Variants in FANCA observed in about 807,000 individuals in gnomAD.
FANCA encodes the protein FA complementation group A.
A neutral mutation model predicts 194.3 loss-of-function variants in FANCA; 236 were observed. The ratio of observed to expected loss-of-function variants is 1.21; its 90% CI spans 1.09 to 1.35. The LOEUF is 1.35. FANCA is among the 40% of genes most tolerant of loss of function. The probability of loss-of-function intolerance (pLI) is 0.00; values close to 1 mark genes in which losing one functional copy is unlikely to be tolerated. For synonymous variants in FANCA, 1,014 were observed against 715.8 expected, an observed-to-expected ratio of 1.42 and a Z score of -6.65; for missense variants, 2,628 against 1,813.9, an observed-to-expected ratio of 1.45 and a Z score of -8.15.
Position 89,765,047 on chromosome 16 carries a change from C to A in FANCA, c.2621G>T (p.Arg874Ile). The A allele has an allele frequency of 6.2e-7, 1 of 1,614,226 alleles. No homozygotes were observed. The highest frequency in any genetic ancestry group is 1.1e-5 in the South Asian group (1 of 91,076). ...AGGCTGTCGGGCCTCTGAGAACAATCTGAACATGAGGAACTGAAACTGAAA... is the reference window on the plus strand; with the variant it reads ...AGGCTGTCGGGCCTCTGAGAACAATATGAACATGAGGAACTGAAACTGAAA... ...LIKKFQFLMFRLFSEARQPLS... is the reference protein window; with the variant it reads ...LIKKFQFLMFILFSEARQPLS... The change falls in exon 28 of 43, where the codon AGA (arginine) becomes ATA (isoleucine). Residue 874 changes from arginine to isoleucine, a missense_variant. By Grantham distance (97) the Arg-to-Ile change is moderately conservative (BLOSUM62 -3). Transcript: ENST00000389301.
chr16:89,771,873 C>A lies in FANCA; in HGVS notation c.2015-59G>T, dbSNP rs533560248. 2.2e-5 allele frequency: 36 copies of A among 1,601,974 alleles called. No individual in the cohort carries two copies. In the Admixed American group the frequency reaches 2.5e-4, roughly 11 times the overall value. On this transcript the variant is annotated intron_variant, in intron 22 of 42. Coordinates refer to ENST00000389301, the MANE Select transcript of FANCA (RefSeq NM_000135.4). ...AACCCCGAAAGGAGGGATACAGCTG[C>A]GGCCTAGAGAGCTCCGCCTCCCGTC... is the stretch of plus-strand genomic sequence containing the variant.
intron 6 of FANCA, 110 bp downstream of exon 6, chr16:89,808,184 T>C (rs949747080): frequency 1.3e-5 from 13 of 1,005,906 alleles, no homozygotes; most frequent in South Asian, 2.5e-5. Flanking sequence ...CTAGTACAAA[T>C]TATATGTCAA....
In FANCA at chr16:89,749,745, AGCTC is replaced by A; in HGVS notation, c.3220_3223del (p.Glu1074CysfsTer2). ...TAGGTGTTACCGTTTGTACATTAGCAGCTCCCTCTGTCTCTGAAGGCTGGCAGCC... is the reference window on the plus strand; with the variant it reads ...TAGGTGTTACCGTTTGTACATTAGCACCTCTGTCTCTGAAGGCTGGCAGCC... On this transcript the variant is annotated frameshift_variant, in exon 32 of 43. Coordinates refer to ENST00000389301, the MANE Select transcript of FANCA (RefSeq NM_000135.4). LOFTEE classifies it high-confidence loss of function. 1 of 1,614,060 alleles carries A rather than the reference AGCTC, an allele frequency of 6.2e-7. No individual in the cohort carries two copies. Among genetic ancestry groups the A allele is most frequent in the Non-Finnish European group, 8.5e-7 (1 of 1,179,944 alleles).
At chr16:89,775,172 T>C (rs1397290678) in intron 21 of FANCA, among the ~76,000 whole-genome samples, 1 of 151,630 alleles carries the variant, frequency 6.6e-6, no homozygotes, top group East Asian at 1.9e-4. Context: ...GATGCTGGCT[T>C]CTACTGGAGA....
chr16:89,741,184 GCCT>G (rs1019136730), intron 37 of FANCA, among the ~76,000 whole-genome samples: 2 of 152,152 alleles, frequency 1.3e-5, no homozygotes, highest in African/African-American at 4.8e-5. Flanking sequence ...TCCCTGCAAG[GCCT>G]CCTGTCAGAA....
chr16:89,784,398 CAAAA>C (rs140174501), intron 15 of FANCA, among the ~76,000 whole-genome samples: 5 of 81,834 alleles, frequency 6.1e-5, no homozygotes, highest in Admixed American at 1.2e-4. Flanking sequence ...AACAAAAAAA[CAAAA>C]AAAAAACCCA....
chr16:89,808,271 C>G (rs34095935), intron 6 of FANCA, 23 bp downstream of exon 6: 2 of 1,611,030 alleles, frequency 1.2e-6, no homozygotes, highest in African/African-American at 1.3e-5. Context: ...AACAGTAACA[C>G]TGAATCATCA....
In FANCA at chr16:89,755,212, A is replaced by ATT. The variant is rs142867944; in HGVS notation, c.2982-2992_2982-2991dup. Reference sequence around the variant, plus strand: ...TAAAGCTGGATGACCTCACACAACAATTTTTTTTTTTTTTTTGAGACAGTC... The same window carrying ATT: ...TAAAGCTGGATGACCTCACACAACAATTTTTTTTTTTTTTTTTTGAGACAGTC... On this transcript the variant is annotated intron_variant, in intron 30 of 42. Transcript: ENST00000389301. Among the ~76,000 whole-genome samples the ATT allele has an allele frequency of 4.2e-5, 6 of 143,780 alleles. No individual in the cohort carries two copies. In the South Asian group the frequency reaches 8.8e-4, roughly 21 times the overall value. 94.3% of individuals were successfully genotyped at this position (143,780 alleles called of 152,430 possible).
intron 30 of FANCA, among the ~76,000 whole-genome samples, chr16:89,754,040 C>A (rs987500995): frequency 2.0e-4 from 30 of 151,942 alleles, no homozygotes; most frequent in African/African-American, 7.3e-4. Flanking sequence ...GGACACACAG[C>A]GACACTCTGT....
At position 89,810,755 on chromosome 16, in the gene FANCA, G is replaced by A. The variant is rs2040845955; in HGVS notation, c.474C>T (p.His158=). ...LLEFAQYLLA[H]SMFSRLSFCQ... ...AGAAGGAAAGACGGGAGAACATACTGTGTGCCAATAAATACTGAGCAAACT... is the reference window on the plus strand; with the variant it reads ...AGAAGGAAAGACGGGAGAACATACTATGTGCCAATAAATACTGAGCAAACT... The change falls in exon 5 of 43, where the codon CAC becomes CAT. Residue 158 remains histidine (H), a synonymous_variant. Transcript: ENST00000389301. 1.2e-6 allele frequency: 2 copies of A among 1,613,296 alleles called. No individual in the cohort carries two copies. Among genetic ancestry groups the A allele is most frequent in the Admixed American group, 1.7e-5 (1 of 60,000 alleles).
intron 37 of FANCA, among the ~76,000 whole-genome samples, chr16:89,741,496 T>C (rs113826657): frequency 9.2e-5 from 14 of 152,342 alleles, no homozygotes; most frequent in African/African-American, 3.1e-4. Context: ...CACAGAGGGC[T>C]GCTGCCTCCA....
At chr16:89,750,808 C>G (rs1159402639) in intron 31 of FANCA, among the ~76,000 whole-genome samples, 1 of 152,062 alleles carries the variant, frequency 6.6e-6, no homozygotes, top group Non-Finnish European at 1.5e-5. Context: ...AAAAAAACAG[C>G]AGGAGGACAC....
At chr16:89,739,039 C>A in intron 41 of FANCA, 65 bp from the exon 42 acceptor site, 2 of 1,614,034 alleles carry the variant, frequency 1.2e-6, no homozygotes, top group Non-Finnish European at 1.7e-6. Context: ...GTGTGTCCCC[C>A]ATAGTCTGCA....
At chr16:89,766,045 G>A (rs2039116061) in intron 27 of FANCA, among the ~76,000 whole-genome samples, 1 of 150,826 alleles carries the variant, frequency 6.6e-6, no homozygotes, top group African/African-American at 2.4e-5. Flanking sequence ...TGCCCAGGCT[G>A]GAGTGCAGTG....
In FANCA at chr16:89,782,848, A is replaced by G. The variant is rs2039766898; in HGVS notation, c.1626+11T>C. 1 of 1,612,948 alleles carries G rather than the reference A, an allele frequency of 6.2e-7. No homozygotes were observed. The highest frequency in any genetic ancestry group is 2.2e-5 in the East Asian group (1 of 44,884). Reference sequence around the variant, plus strand: ...ACTGGCTGAGACCCTGCAGGGCTCAAGCAACATTACCTCAGTAATGTCCCC... The same window carrying G: ...ACTGGCTGAGACCCTGCAGGGCTCAGGCAACATTACCTCAGTAATGTCCCC... On this transcript the variant is annotated intron_variant, in intron 17 of 42. Transcript: ENST00000389301.
chr16:89,769,534 A>T (rs2039248037), intron 26 of FANCA, among the ~76,000 whole-genome samples: 1 of 152,242 alleles, frequency 6.6e-6, no homozygotes, highest in Non-Finnish European at 1.5e-5. Flanking sequence ...AGGGACCAAG[A>T]CAAAACAAAG....
rs1335322113 is a variant in FANCA, at chr16:89,773,275, A to G, written c.2010T>C (p.Arg670=). ...LRASMTDPSQ[R]DVISAQVAVI... is the part of the protein sequence containing the mutation. ...TGAGCTCCCATCCATCCTCACCATC[A>G]CGCTGGCTGGGGTCTGTCATGGAGG... The change falls in exon 22 of 43, where the codon CGT becomes CGC. Residue 670 remains arginine (R), a synonymous_variant. Transcript: ENST00000389301. The G allele has an allele frequency of 6.5e-6, 10 of 1,550,184 alleles. No homozygotes were observed. The highest frequency in any genetic ancestry group is 8.7e-6 in the Non-Finnish European group (10 of 1,146,322).
At chr16:89,757,795 G>A (rs919735666) in intron 30 of FANCA, among the ~76,000 whole-genome samples, 1 of 152,200 alleles carries the variant, frequency 6.6e-6, no homozygotes, top group Non-Finnish European at 1.5e-5. Flanking sequence ...GTGATGCCCA[G>A]GATCTACTAG....
At chr16:89,745,175 C>T (rs1056537200) in intron 35 of FANCA, 104 bp from the exon 36 acceptor site, 40 of 1,042,140 alleles carry the variant, frequency 3.8e-5, no homozygotes, top group Admixed American at 1.8e-4. Flanking sequence ...CCACTACAGG[C>T]CCACACTCGC....
Sources: allele counts gnomAD v4.1 joint callset (sites outside exome capture counted in the v4.1 genomes callset), GRCh38; gene constraint gnomAD v4.1.1; transcripts MANE v1.5; gene names NCBI Gene and HGNC (gene_info 2026-07-23, HGNC 2026-07-21).